The following CCDC83 variants were observed in gnomAD, a reference collection of about 807,000 sequenced individuals.
CCDC83 encodes coiled-coil domain containing 83, also known as coiled-coil domain-containing protein 83.
A neutral mutation model predicts 50.1 loss-of-function variants in CCDC83; 54 were observed. That is an observed-to-expected ratio of 1.08 (90% CI 0.87 to 1.35). The LOEUF is 1.35. Ranked by LOEUF, CCDC83 falls within the 40% of genes most tolerant of loss-of-function variation. The pLI is 0.00. For synonymous variants in CCDC83, 161 were observed against 153.3 expected (o/e 1.05, Z -0.37); for missense variants, 518 against 473.9 (o/e 1.09, Z -0.86).
At chr11:85,879,318 C>T (rs1431481190) in intron 3 of CCDC83, among the ~76,000 whole-genome samples, 1 of 152,064 alleles carries the variant, frequency 6.6e-6, no homozygotes, top group Non-Finnish European at 1.5e-5. Flanking sequence ...AGGTGTGAGG[C>T]TTAGATCAAG....
chr11:85,898,935 A>G lies in CCDC83; in HGVS notation c.604-12A>G, dbSNP rs773494984. 7.5e-6 allele frequency: 12 copies of G among 1,599,498 alleles called. No homozygotes were observed. Among genetic ancestry groups the G allele is most frequent in the Non-Finnish European group, 9.4e-6 (11 of 1,169,302 alleles). On this transcript the variant is annotated splice_polypyrimidine_tract_variant and intron_variant, in intron 6 of 10. Coordinates refer to ENST00000342404, the MANE Select transcript of CCDC83 (RefSeq NM_001286159.2). Reference sequence around the variant, plus strand: ...GTGGCAACTCTTCCTTAATCCAGAAACTTTCTTTTAGAATGCTGTAAAGCT... The same window carrying G: ...GTGGCAACTCTTCCTTAATCCAGAAGCTTTCTTTTAGAATGCTGTAAAGCT...
chr11:85,860,215 T>C (rs1459419214), intron 1 of CCDC83, among the ~76,000 whole-genome samples: 1 of 146,682 alleles, frequency 6.8e-6, no homozygotes, highest in East Asian at 2.0e-4. Flanking sequence ...GGCAGGAGAA[T>C]CACTTGAACC....
At chr11:85,865,685 C>A (rs1194333252) in intron 2 of CCDC83, among the ~76,000 whole-genome samples, 1 of 152,002 alleles carries the variant, frequency 6.6e-6, no homozygotes, top group Admixed American at 6.6e-5. Flanking sequence ...GTTGGGAGTT[C>A]GAGACCAGCC....
intron 4 of CCDC83, among the ~76,000 whole-genome samples, chr11:85,883,344 T>A (rs879049095): frequency 1.3e-5 from 2 of 151,976 alleles, no homozygotes; most frequent in African/African-American, 2.4e-5. Context: ...GACTTCAGCT[T>A]CAGCTTAGAT....
At chr11:85,905,558 AG>A (rs1404373935) in intron 7 of CCDC83, among the ~76,000 whole-genome samples, 1 of 149,000 alleles carries the variant, frequency 6.7e-6, no homozygotes, top group Non-Finnish European at 1.5e-5. Flanking sequence ...TGCAGTGAGC[AG>A]AGATTGTGCT....
At chr11:85,913,364 C>T (rs2093463649) in intron 8 of CCDC83, among the ~76,000 whole-genome samples, 1 of 152,152 alleles carries the variant, frequency 6.6e-6, no homozygotes, top group South Asian at 2.1e-4. Flanking sequence ...TTTAGAAAGA[C>T]CTGCATAAAG....
intron 1 of CCDC83, among the ~76,000 whole-genome samples, chr11:85,864,058 C>T (rs1369250139): frequency 6.6e-6 from 1 of 152,170 alleles, no homozygotes; most frequent in Non-Finnish European, 1.5e-5. Context: ...TTCAGGGTCA[C>T]AGAGATAACA....
chr11:85,896,180 AC>A (rs1486447496), intron 6 of CCDC83, among the ~76,000 whole-genome samples: 1 of 152,086 alleles, frequency 6.6e-6, no homozygotes, highest in Non-Finnish European at 1.5e-5. Flanking sequence ...CAATCCCAGC[AC>A]TTTGAGAGGC....
Position 85,916,168 on chromosome 11 carries a change from T to C in CCDC83, c.1015T>C (p.Ser339Pro), listed in dbSNP as rs2093476462. The C allele has an allele frequency of 6.2e-7, 1 of 1,613,448 alleles. No homozygotes were observed. The highest frequency in any genetic ancestry group is 8.5e-7 in the Non-Finnish European group (1 of 1,179,582). ...TGTGAAGATAGATAAAGAGGAAAAC[T>C]CAGGCACAGAGTTTGGGGACACTGA... ...QYVKIDKEEN[S>P]GTEFGDTDMK... The change falls in exon 10 of 11, where the codon TCA becomes CCA. Residue 339 changes from serine to proline, a missense_variant. Physicochemically the swap from Ser to Pro is moderately conservative, Grantham distance 74 (BLOSUM62 -1). Transcript: ENST00000342404.
Position 85,916,057 on chromosome 11 carries a change from G to C in CCDC83, c.904G>C (p.Val302Leu). 1.9e-6 allele frequency: 3 copies of C among 1,611,988 alleles called. No individual in the cohort carries two copies. The highest frequency in any genetic ancestry group is 2.5e-6 in the Non-Finnish European group (3 of 1,178,988). The change falls in exon 10 of 11, where the codon GTA becomes CTA. Residue 302 changes from valine to leucine, a missense_variant. Coordinates refer to ENST00000342404, the MANE Select transcript of CCDC83 (RefSeq NM_001286159.2). ...EEKSELQPTE[V>L]ESRDLMSSSD... ...GAAGTCAGAATTGCAACCCACAGAA[G>C]TAGAAAGTAGAGACTTGATGTCCTC...
rs545971978 is a variant in CCDC83 at position 85,871,925 on chromosome 11, C to A, written c.96-1286C>A. ...TAAGATTTATTAGGTTATAGTGATA[C>A]AAGATATACTATAAAGTTTTAAAAA... On this transcript the variant is annotated intron_variant, in intron 2 of 10. Transcript: ENST00000342404. Among the ~76,000 whole-genome samples the A allele has an allele frequency of 2.2e-4, 33 of 152,242 alleles. No individual in the cohort carries two copies. The South Asian group carries it at 6.8e-3, about 32-fold the overall frequency.
At chr11:85,919,246 G>A in intron 10 of CCDC83, 103 bp from the exon 11 acceptor site, 1 of 1,055,130 alleles carries the variant, frequency 9.5e-7, no homozygotes, top group Non-Finnish European at 1.4e-6. Flanking sequence ...GGGCAATGAA[G>A]TCTGTCAGAT....
At chr11:85,907,226 G>A (rs2093429929) in intron 7 of CCDC83, among the ~76,000 whole-genome samples, 1 of 152,058 alleles carries the variant, frequency 6.6e-6, no homozygotes, top group Non-Finnish European at 1.5e-5. Flanking sequence ...TTTGTTACAT[G>A]ATTATCTTTT....
chr11:85,919,574 T>C lies in CCDC83; in HGVS notation c.*64T>C. On this transcript the variant is annotated 3_prime_UTR_variant, in exon 11 of 11. Coordinates refer to ENST00000342404, the MANE Select transcript of CCDC83 (RefSeq NM_001286159.2). The stretch of plus-strand genomic sequence containing the variant: ...AATGTTCTTTGGGAACTGAAGTATA[T>C]CCGTTGCCCATTTTACTTACACTTT... 1 of 1,214,506 alleles carries C rather than the reference T, an allele frequency of 8.2e-7. No homozygotes were observed. Among genetic ancestry groups the C allele is most frequent in the Non-Finnish European group, 1.2e-6 (1 of 853,760 alleles). 75.2% of individuals were successfully genotyped at this position (1,214,506 alleles called of 1,614,324 possible).
At chr11:85,888,640 T>G (rs2093338011) in intron 5 of CCDC83, among the ~76,000 whole-genome samples, 1 of 152,198 alleles carries the variant, frequency 6.6e-6, no homozygotes, top group Admixed American at 6.5e-5. Context: ...CAGTCTTTGA[T>G]TTTACGTTTA....
intron 5 of CCDC83, 26 bp from the exon 6 acceptor site, chr11:85,895,264 CTTT>C (rs10594256): frequency 0.043 from 15,423 of 358,618 alleles, 12 homozygotes; most frequent in Middle Eastern, 0.055. Flanking sequence ...TTTTAATTTT[CTTT>C]TTTTTTTTTT....
rs189425423 is a variant in CCDC83, at chr11:85,866,644, A to G, written c.95+1426A>G. 4.4e-3 allele frequency among the ~76,000 whole-genome samples: 660 copies of G among 150,362 alleles called. 24 individuals carry two copies. The highest frequency in any genetic ancestry group is 0.032 in the Admixed American group (476 of 15,006). On this transcript the variant is annotated intron_variant, in intron 2 of 10. Coordinates refer to ENST00000342404, the MANE Select transcript of CCDC83 (RefSeq NM_001286159.2). ...ACTCCAGCCTTGGTGACAGAGAGGG[A>G]CCCTGTCTCAAAAAAACAAAACAAA... is the stretch of plus-strand genomic sequence containing the variant.
At chr11:85,899,825 T>C (rs1418539061) in intron 7 of CCDC83, among the ~76,000 whole-genome samples, 1 of 152,144 alleles carries the variant, frequency 6.6e-6, no homozygotes, top group Admixed American at 6.5e-5. Context: ...ATAAATAGCT[T>C]AGATCATAGG....
In CCDC83 at chr11:85,882,634, A is replaced by C; in HGVS notation, c.302A>C (p.Glu101Ala). Residue 101 changes from glutamate (E) to alanine (A), a missense_variant, in exon 4 of 11, where the codon GAA becomes GCA. Coordinates refer to ENST00000342404, the MANE Select transcript of CCDC83 (RefSeq NM_001286159.2). ...TREDVEEAMKEKWKFERDQEK... is the reference protein window; with the variant it reads ...TREDVEEAMKAKWKFERDQEK... ...GAGGATGTTGAAGAAGCGATGAAGGAAAAATGGAAGTTTGAAAGAGACCAG... is the reference window on the plus strand; with the variant it reads ...GAGGATGTTGAAGAAGCGATGAAGGCAAAATGGAAGTTTGAAAGAGACCAG... 6.2e-7 allele frequency: 1 copy of C among 1,614,032 alleles called. No homozygotes were observed.
Sources: gnomAD v4.1 joint callset for allele counts (sites outside exome capture counted in the v4.1 genomes callset) on GRCh38, gnomAD v4.1.1 for gene constraint, MANE v1.5 for transcripts, NCBI Gene and HGNC (gene_info 2026-07-23, HGNC 2026-07-21) for gene names.